The following FBN2 variants were observed in gnomAD, a reference collection of about 807,000 sequenced individuals.
The protein encoded by FBN2 is fibrillin-2.
FBN2 carries 105 observed loss-of-function variants against 355.6 expected under a neutral mutation model. The ratio of observed to expected loss-of-function variants is 0.30; its 90% CI spans 0.25 to 0.35. FBN2 has a LOEUF of 0.35. Among genes scored for constraint, FBN2 ranks in the 10% least tolerant of loss-of-function variants. FBN2 has a pLI of 1.00. For missense variants in FBN2, 3,280 were observed against 3,758.7 expected, an observed-to-expected ratio of 0.87 and a Z score of 3.33; for synonymous variants, 1,350 against 1,301.2, an observed-to-expected ratio of 1.04 and a Z score of -0.81.
chr5:128,272,601 G>A (rs1317651336), intron 61 of FBN2, among the ~76,000 whole-genome samples: 2 of 151,422 alleles, frequency 1.3e-5, no homozygotes, highest in African/African-American at 4.8e-5. Flanking sequence ...TATATTGCAC[G>A]TAAAAATTTT....
chr5:128,353,176 A>C (rs1459322047), intron 20 of FBN2, among the ~76,000 whole-genome samples: 3 of 152,132 alleles, frequency 2.0e-5, no homozygotes. Context: ...TTCCAAAAAA[A>C]AAAAAAAGTT....
intron 6 of FBN2, among the ~76,000 whole-genome samples, chr5:128,456,448 C>T (rs1754397389): frequency 6.6e-6 from 1 of 152,128 alleles, no homozygotes; most frequent in Admixed American, 6.5e-5. Flanking sequence ...GGACAAACTG[C>T]TTCATTAAAC....
At chr5:128,410,650 C>G (rs1561443370) in intron 7 of FBN2, among the ~76,000 whole-genome samples, 1 of 152,030 alleles carries the variant, frequency 6.6e-6, no homozygotes, top group Non-Finnish European at 1.5e-5. Flanking sequence ...CTCTTCCTGA[C>G]AATAAAAAGA....
chr5:128,369,557 A>G (rs967569431), intron 15 of FBN2, among the ~76,000 whole-genome samples: 3 of 152,184 alleles, frequency 2.0e-5, no homozygotes, highest in African/African-American at 7.2e-5. Context: ...GTTTTCTTTA[A>G]TAAGTTTTAT....
chr5:128,328,694 A>G lies in FBN2; in HGVS notation c.4471+2T>C. On this transcript the variant is annotated splice_donor_variant, in intron 34 of 64. Transcript: ENST00000262464. LOFTEE classifies it high-confidence loss of function. ...AAATGAGTTGGAATCCTGGTGACCC[A>G]CCTTGGCAGGATCTGCTGTCTGAGG... 6.2e-7 allele frequency: 1 copy of G among 1,614,036 alleles called. No individual in the cohort carries two copies.
intron 5 of FBN2, among the ~76,000 whole-genome samples, chr5:128,500,298 A>G (rs1755771774): frequency 6.6e-6 from 1 of 152,104 alleles, no homozygotes; most frequent in Non-Finnish European, 1.5e-5. Context: ...TACTGTCAGC[A>G]GCTAAAGAAG....
At chr5:128,303,902 T>C (rs79208882) in intron 45 of FBN2, among the ~76,000 whole-genome samples, 54 of 152,302 alleles carry the variant, frequency 3.5e-4, no homozygotes, top group African/African-American at 1.3e-3. Context: ...CAAGCATTCT[T>C]AGGGAGTTCA....
chr5:128,527,488 G>A (rs1328975523), intron 4 of FBN2, among the ~76,000 whole-genome samples: 2 of 152,030 alleles, frequency 1.3e-5, no homozygotes, highest in Non-Finnish European at 1.5e-5. Flanking sequence ...AGAGGGAACT[G>A]GAGAGGGAAG....
Position 128,334,834 on chromosome 5 carries a change from T to C in FBN2, c.3984A>G (p.Glu1328=), listed in dbSNP as rs1394998823. 4.3e-6 allele frequency: 7 copies of C among 1,612,078 alleles called. No individual in the cohort carries two copies. Among genetic ancestry groups the C allele is most frequent in the African/African-American group, 2.7e-5 (2 of 74,886 alleles). ...MDMKTCIDVN[E]CDLNSNICMF... ...TGCAGATATTTGAATTTAGGTCACA[T>C]TCATTGACATCTAGAAAATTTATTT... Residue 1328 remains glutamate, a synonymous_variant, in exon 31 of 65, where the codon GAA becomes GAG. Coordinates refer to ENST00000262464, the MANE Select transcript of FBN2 (RefSeq NM_001999.4).
chr5:128,333,532 A>G lies in FBN2; in HGVS notation c.4100-498T>C, dbSNP rs1750748665. 3.3e-5 allele frequency among the ~76,000 whole-genome samples: 5 copies of G among 152,262 alleles called. No individual in the cohort carries two copies. The South Asian group carries it at 1.0e-3, about 32-fold the overall frequency. On this transcript the variant is annotated intron_variant, in intron 31 of 64. Transcript: ENST00000262464. ...TACATGATCATTTGTCATTTAAAAA[A>G]TCAATATAAATATTTTACAGAATTT...
intron 7 of FBN2, among the ~76,000 whole-genome samples, chr5:128,431,053 G>T (rs1327408751): frequency 6.6e-6 from 1 of 152,126 alleles, no homozygotes; most frequent in African/African-American, 2.4e-5. Flanking sequence ...TTTCAGGAAT[G>T]CCCAGGTTTT....
At chr5:128,376,194 T>C (rs1221885353) in intron 14 of FBN2, among the ~76,000 whole-genome samples, 1 of 152,204 alleles carries the variant, frequency 6.6e-6, no homozygotes, top group Non-Finnish European at 1.5e-5. Flanking sequence ...AAGGTTATCA[T>C]TAGAGCTTGG....
intron 6 of FBN2, 132 bp downstream of exon 6, chr5:128,464,592 G>T: frequency 1.1e-6 from 1 of 898,622 alleles, no homozygotes; most frequent in Non-Finnish European, 1.8e-6. Context: ...CTCTGGTCAG[G>T]GTTGTTAACG....
rs375984866 is a variant in FBN2, at chr5:128,357,290, C to G, written c.2660G>C (p.Gly887Ala). The change falls in exon 20 of 65, where the codon GGA (glycine) becomes GCA (alanine). Residue 887 changes from glycine to alanine, a missense_variant. Physicochemically the swap from Gly to Ala is moderately conservative, Grantham distance 60. Around this residue, in one of 6 missense-constraint regions of FBN2, gnomAD observed 2,284 missense variants for 2,749.5 expected, o/e 0.83. Transcript: ENST00000262464. ...CSPGSKLSST[G>A]LICIDSLKGT... ...ATGAATCTTACCAATACAGATCAAT[C>G]CTGTGGAGCTGAGTTTGCTGCCGGG... is the stretch of plus-strand genomic sequence containing the variant. 1 of 1,613,804 alleles carries G rather than the reference C, an allele frequency of 6.2e-7. No homozygotes were observed. Among genetic ancestry groups the G allele is most frequent in the Non-Finnish European group, 8.5e-7 (1 of 1,179,846 alleles).
At chr5:128,325,784 G>A (rs945044735) in intron 34 of FBN2, among the ~76,000 whole-genome samples, 1 of 151,724 alleles carries the variant, frequency 6.6e-6, no homozygotes, top group African/African-American at 2.4e-5. Flanking sequence ...TATTATCTCA[G>A]GCCCTTTCTC....
chr5:128,537,495 G>A lies in FBN2; in HGVS notation c.109C>T (p.Pro37Ser), dbSNP rs1449939087. 1 of 1,585,680 alleles carries A rather than the reference G, an allele frequency of 6.3e-7. No individual in the cohort carries two copies. The highest frequency in any genetic ancestry group is 8.6e-7 in the Non-Finnish European group (1 of 1,168,708). ...AGQPQPPPPK[P>S]PRPQPPPQQV... ...TGCGGCGGCGGCTGGGGCCGGGGCGGCTTGGGCGGAGGAGGCTGAGGCTGG... is the reference window on the plus strand; with the variant it reads ...TGCGGCGGCGGCTGGGGCCGGGGCGACTTGGGCGGAGGAGGCTGAGGCTGG... Residue 37 changes from proline (P) to serine (S), a missense_variant, in exon 1 of 65, where the codon CCG (proline) becomes TCG (serine). Physicochemically the swap from Pro to Ser is moderately conservative, Grantham distance 74. Transcript: ENST00000262464.
chr5:128,385,279 C>A (rs1427336370), intron 11 of FBN2, among the ~76,000 whole-genome samples: 1 of 152,084 alleles, frequency 6.6e-6, no homozygotes, highest in Non-Finnish European at 1.5e-5. Context: ...GAATGTTTAG[C>A]TACCACTTAC....
intron 26 of FBN2, among the ~76,000 whole-genome samples, chr5:128,338,500 A>G (rs1750907118): frequency 6.6e-6 from 1 of 152,180 alleles, no homozygotes; most frequent in Non-Finnish European, 1.5e-5. Context: ...CCTATGAGGT[A>G]GGTCTTATAT....
intron 5 of FBN2, among the ~76,000 whole-genome samples, chr5:128,481,334 G>C (rs1755180212): frequency 6.6e-6 from 1 of 152,126 alleles, no homozygotes; most frequent in African/African-American, 2.4e-5. Flanking sequence ...GGCAACAAAA[G>C]TGCTGTCATC....
Sources: allele counts gnomAD v4.1 joint callset (sites outside exome capture counted in the v4.1 genomes callset), GRCh38; gene constraint gnomAD v4.1.1; regional missense constraint gnomAD v4.1.1; transcripts MANE v1.5; gene names NCBI Gene and HGNC (gene_info 2026-07-23, HGNC 2026-07-21).